Variants in HEATR5A observed in about 807,000 individuals in gnomAD.
HEATR5A encodes HEAT repeat containing 5A, also known as HEAT repeat-containing protein 5A.
A neutral mutation model predicts 218.8 loss-of-function variants in HEATR5A; 178 were observed. The ratio of observed to expected loss-of-function variants is 0.81; its 90% CI spans 0.72 to 0.92. The LOEUF (loss-of-function observed/expected upper bound fraction) is 0.92. Among genes scored for constraint, HEATR5A ranks in the 40% least tolerant of loss-of-function variants. The pLI is 0.00. For missense variants in HEATR5A, 2,420 were observed against 2,418.9 expected (o/e 1.00, Z -0.01); for synonymous variants, 864 against 871.6 (o/e 0.99, Z 0.15).
chr14:31,364,519 A>G (rs1901734673), intron 13 of HEATR5A, among the ~76,000 whole-genome samples: 1 of 152,190 alleles, frequency 6.6e-6, no homozygotes, highest in Admixed American at 6.6e-5. Context: ...TTGTGGGCTC[A>G]AACGATTCTC....
intron 9 of HEATR5A, among the ~76,000 whole-genome samples, chr14:31,384,098 A>C (rs2030105268): frequency 6.6e-6 from 1 of 152,172 alleles, no homozygotes; most frequent in Non-Finnish European, 1.5e-5. Flanking sequence ...ATCAATTATT[A>C]ATTTGGTACT....
chr14:31,358,825 A>G lies in HEATR5A; in HGVS notation c.2236-13T>C. ...TACCAAGCAGGAGCTAAAAGGGAAA[A>G]AAAGTATATAAGGTTTTAAAATCAC... On this transcript the variant is annotated splice_polypyrimidine_tract_variant and intron_variant, in intron 15 of 35. Transcript: ENST00000543095. 6.2e-7 allele frequency: 1 copy of G among 1,612,814 alleles called. No individual in the cohort carries two copies. The highest frequency in any genetic ancestry group is 8.5e-7 in the Non-Finnish European group (1 of 1,179,534).
At chr14:31,324,494 A>G (rs1360697084) in intron 23 of HEATR5A, among the ~76,000 whole-genome samples, 2 of 152,188 alleles carry the variant, frequency 1.3e-5, no homozygotes, top group Non-Finnish European at 1.5e-5. Context: ...ACATGTCACA[A>G]ATAAAGTTAT....
chr14:31,303,601 C>T (rs1299191685), intron 32 of HEATR5A, among the ~76,000 whole-genome samples: 3 of 152,116 alleles, frequency 2.0e-5, no homozygotes, highest in African/African-American at 4.8e-5. Context: ...ATCAATTACA[C>T]ATAATGCCTC....
intron 13 of HEATR5A, among the ~76,000 whole-genome samples, chr14:31,369,851 G>A (rs1414465546): frequency 6.6e-6 from 1 of 150,732 alleles, no homozygotes; most frequent in Non-Finnish European, 1.5e-5. Context: ...TCTCTTGAAC[G>A]GGGACCCGGG....
chr14:31,344,005 T>G lies in HEATR5A; in HGVS notation c.3119A>C (p.Gln1040Pro). Residue 1040 changes from glutamine (Q) to proline (P), a missense_variant, in exon 21 of 36, where the codon CAA (glutamine) becomes CCA (proline). By Grantham distance (76) the Gln-to-Pro change is moderately conservative. Coordinates refer to ENST00000543095, the MANE Select transcript of HEATR5A (RefSeq NM_015473.4). Reference sequence around the variant, plus strand: ...TTGAACAAGGCAGTCTGGGTTATCTTGCATTACTGCACAACCCAGTAGACA... The same window carrying G: ...TTGAACAAGGCAGTCTGGGTTATCTGGCATTACTGCACAACCCAGTAGACA... ...TSCLLGCAVM[Q>P]DNPDCLVQAQ... is the part of the protein sequence containing the mutation. 6.2e-7 allele frequency: 1 copy of G among 1,610,128 alleles called. No individual in the cohort carries two copies. Among genetic ancestry groups the G allele is most frequent in the Non-Finnish European group, 8.5e-7 (1 of 1,178,094 alleles).
rs1899049151 is a variant in HEATR5A at position 31,292,092 on chromosome 14, AAT to A, written c.*1211_*1212del. 6.6e-6 allele frequency: 1 copy of A among 152,234 alleles called. No homozygotes were observed. The highest frequency in any genetic ancestry group is 6.5e-5 in the Admixed American group (1 of 15,276). 9.4% of individuals were successfully genotyped at this position (152,234 alleles called of 1,614,324 possible). ...CACAGTTAAAAAATATTTTTCAACC[AAT>A]ATGACTTTATCATTAATCTTTTTTC... On this transcript the variant is annotated 3_prime_UTR_variant, in exon 36 of 36. Transcript: ENST00000543095.
chr14:31,303,500 C>T lies in HEATR5A; in HGVS notation c.5240-981G>A, dbSNP rs1189407290. On this transcript the variant is annotated intron_variant, in intron 32 of 35. Transcript: ENST00000543095. ...AATATGTTTACCAATTAAGAAGCAT[C>T]TACTAGGTACTAAATACCTATAATC... 3.3e-5 allele frequency among the ~76,000 whole-genome samples: 5 copies of T among 152,256 alleles called. No homozygotes were observed. The East Asian group carries it at 9.6e-4, about 29-fold the overall frequency.
At chr14:31,316,770 T>C (rs1899925603) in intron 26 of HEATR5A, among the ~76,000 whole-genome samples, 1 of 152,100 alleles carries the variant, frequency 6.6e-6, no homozygotes, top group South Asian at 2.1e-4. Context: ...ACAGCTCATG[T>C]AGCCTTGACC....
rs373804813 is a variant in HEATR5A, at chr14:31,340,616, T to C, written c.3229-3002A>G. 3.1e-5 allele frequency: 13 copies of C among 417,548 alleles called. 1 individual carries two copies. The Admixed American group carries it at 4.6e-4, about 15-fold the overall frequency. The allele number at this position is 417,548 out of a possible 1,614,324, so 25.9% of individuals were successfully genotyped here. A position where few individuals can be genotyped will look rare whatever the true frequency, so the allele number is the denominator to read the frequency against. ...AATTGGCTTAGCTTCAGCTTAAAAA[T>C]TTGCCACAAATATTTTATTTTCCAA... On this transcript the variant is annotated intron_variant, in intron 21 of 35. Coordinates refer to ENST00000543095, the MANE Select transcript of HEATR5A (RefSeq NM_015473.4).
intron 23 of HEATR5A, among the ~76,000 whole-genome samples, chr14:31,325,038 G>C (rs1424934435): frequency 6.6e-6 from 1 of 152,136 alleles, no homozygotes; most frequent in African/African-American, 2.4e-5. Flanking sequence ...GAAGTACAGT[G>C]GAAGGCTTGT....
chr14:31,329,880 T>G (rs1019067788), intron 22 of HEATR5A, among the ~76,000 whole-genome samples: 1 of 152,210 alleles, frequency 6.6e-6, no homozygotes, highest in Non-Finnish European at 1.5e-5. Context: ...GCCTGGCTAA[T>G]TTTTCTATTT....
chr14:31,348,952 T>C (rs796287243), intron 18 of HEATR5A, among the ~76,000 whole-genome samples: 17 of 152,326 alleles, frequency 1.1e-4, no homozygotes, highest in African/African-American at 3.6e-4. Flanking sequence ...AAGTTTTATT[T>C]GTAGGCTTTT....
chr14:31,329,057 A>G (rs1900371879), intron 22 of HEATR5A, among the ~76,000 whole-genome samples: 3 of 152,098 alleles, frequency 2.0e-5, no homozygotes, highest in Non-Finnish European at 4.4e-5. Flanking sequence ...TAAAACCATC[A>G]GATCTTGTGA....
chr14:31,397,897 C>A (rs768322770), intron 4 of HEATR5A, among the ~76,000 whole-genome samples: 11 of 152,142 alleles, frequency 7.2e-5, no homozygotes, highest in Non-Finnish European at 1.6e-4. Flanking sequence ...TTTAAGTGAT[C>A]CTCCCATCTC....
At chr14:31,392,906 T>G (rs1442862109) in intron 6 of HEATR5A, among the ~76,000 whole-genome samples, 1 of 152,210 alleles carries the variant, frequency 6.6e-6, no homozygotes, top group Non-Finnish European at 1.5e-5. Context: ...AATGGCTAAT[T>G]CTGGGGTTGG....
At chr14:31,309,955 A>G (rs1899684256) in intron 28 of HEATR5A, among the ~76,000 whole-genome samples, 1 of 152,058 alleles carries the variant, frequency 6.6e-6, no homozygotes, top group African/African-American at 2.4e-5. Flanking sequence ...TGCCCACTTC[A>G]GCCTCCCAAA....
rs543052871 is a variant in HEATR5A, at chr14:31,304,953, C to T, written c.5191G>A (p.Ala1731Thr). The T allele has an allele frequency of 1.2e-6, 2 of 1,614,036 alleles. No individual in the cohort carries two copies. The highest frequency in any genetic ancestry group is 2.2e-5 in the South Asian group (2 of 91,086). ...AGTTCGGAAAGGATAACCAATGCAG[C>T]TGAAACCAATCTACTTCCATCTTCT... Reference protein sequence around the residue: ...LLEDGSRLVSAALVILSELPA... With the variant: ...LLEDGSRLVSTALVILSELPA... Residue 1731 changes from alanine to threonine, a missense_variant, in exon 32 of 36, where the codon GCT becomes ACT. Transcript: ENST00000543095.
In HEATR5A at chr14:31,313,179, A is replaced by G; in HGVS notation, c.4230T>C (p.Ile1410=). ...VLKAWAEVYI[I]AVQRHKNHRQ... is the part of the protein sequence containing the mutation. ...TGTGGTTTTTATGTCTTTGCACAGCAATTATGTAGACCTGTTAAAGGTTAA... is the reference window on the plus strand; with the variant it reads ...TGTGGTTTTTATGTCTTTGCACAGCGATTATGTAGACCTGTTAAAGGTTAA... The change falls in exon 28 of 36, where the codon ATT becomes ATC. Residue 1410 remains isoleucine (I), a synonymous_variant. Coordinates refer to ENST00000543095, the MANE Select transcript of HEATR5A (RefSeq NM_015473.4). 2 of 1,611,158 alleles carry G rather than the reference A, an allele frequency of 1.2e-6. No homozygotes were observed. The highest frequency in any genetic ancestry group is 1.7e-6 in the Non-Finnish European group (2 of 1,177,318).
Sources: gnomAD v4.1 joint callset for allele counts (sites outside exome capture counted in the v4.1 genomes callset) on GRCh38, gnomAD v4.1.1 for gene constraint, MANE v1.5 for transcripts, NCBI Gene and HGNC (gene_info 2026-07-23, HGNC 2026-07-21) for gene names.